RAB38: variants seen among roughly 807,000 people sequenced by gnomAD.
RAB38 encodes ras-related protein Rab-38.
Under a neutral mutation model 18.4 loss-of-function variants are expected in RAB38, and 15 were observed. The ratio of observed to expected loss-of-function variants is 0.82; its 90% CI spans 0.55 to 1.26. RAB38 has a LOEUF of 1.26. RAB38 is among the 50% of genes most tolerant of loss of function. The pLI, the probability that RAB38 is intolerant of heterozygous loss-of-function variation, is 0.00. For synonymous variants in RAB38, 101 were observed against 104.4 expected, an observed-to-expected ratio of 0.97 and a Z score of 0.20; for missense variants, 294 against 267.4, an observed-to-expected ratio of 1.10 and a Z score of -0.69.
the RAB38 span, among the ~76,000 whole-genome samples, chr11:87,909,648 C>T: frequency 6.6e-6 from 1 of 151,968 alleles, no homozygotes; most frequent in African/African-American, 2.4e-5. Context: ...TCTTTTGTGC[C>T]TCCCTACCCC....
At chr11:87,898,705 G>A in the RAB38 span, among the ~76,000 whole-genome samples, 1 of 151,064 alleles carries the variant, frequency 6.6e-6, no homozygotes, top group African/African-American at 2.4e-5. Flanking sequence ...TAATTGAGAT[G>A]GGAATGGGGA....
At chr11:87,954,777 G>T in the RAB38 span, among the ~76,000 whole-genome samples, 1 of 152,032 alleles carries the variant, frequency 6.6e-6, no homozygotes. Context: ...GACACTTTTA[G>T]CTAAAATGTG....
At chr11:88,044,237 C>T in the RAB38 span, among the ~76,000 whole-genome samples, 1 of 152,200 alleles carries the variant, frequency 6.6e-6, no homozygotes, top group Non-Finnish European at 1.5e-5. Flanking sequence ...AGACACCTGC[C>T]TTGGTCCTTC....
the RAB38 span, among the ~76,000 whole-genome samples, chr11:87,934,574 C>T: frequency 6.6e-6 from 1 of 152,046 alleles, no homozygotes; most frequent in Admixed American, 6.6e-5. Flanking sequence ...GCAGTACTCT[C>T]GTGCAATGCT....
At chr11:87,955,414 A>G in the RAB38 span, among the ~76,000 whole-genome samples, 1 of 152,166 alleles carries the variant, frequency 6.6e-6, no homozygotes, top group Non-Finnish European at 1.5e-5. Context: ...CATGCTCACT[A>G]CTAGGGTGAC....
the RAB38 span, among the ~76,000 whole-genome samples, chr11:87,913,955 T>G: frequency 6.6e-6 from 1 of 152,064 alleles, no homozygotes; most frequent in South Asian, 2.1e-4. Flanking sequence ...TTTTTTTTCT[T>G]TAGAGATAAC....
the RAB38 span, among the ~76,000 whole-genome samples, chr11:87,821,016 A>T: frequency 1.3e-5 from 2 of 152,226 alleles, no homozygotes; most frequent in Non-Finnish European, 2.9e-5. Context: ...ACAATCCAAC[A>T]TACATATCAT....
the RAB38 span, among the ~76,000 whole-genome samples, chr11:88,059,187 G>A: frequency 1.4e-4 from 22 of 152,198 alleles, no homozygotes; most frequent in African/African-American, 5.1e-4. Context: ...AAGAACGTGT[G>A]AAAAGTGCTT....
chr11:87,894,884 A>C, the RAB38 span, among the ~76,000 whole-genome samples: 1 of 151,558 alleles, frequency 6.6e-6, no homozygotes, highest in African/African-American at 2.4e-5. Context: ...CTAGAACTAC[A>C]GATATATTGA....
the RAB38 span, among the ~76,000 whole-genome samples, chr11:87,955,952 T>TC: frequency 6.6e-6 from 1 of 151,682 alleles, no homozygotes; most frequent in Non-Finnish European, 1.5e-5. Context: ...ACAAGACATG[T>TC]CAAAAGAGAA....
chr11:88,173,874 A>T, intron 1 of RAB38: 1 of 985,474 alleles, frequency 1.0e-6, no homozygotes, highest in Non-Finnish European at 1.2e-6. Flanking sequence ...TCATGATTAA[A>T]GAGGCACGAA....
At chr11:87,937,856 T>C in the RAB38 span, among the ~76,000 whole-genome samples, 1 of 146,264 alleles carries the variant, frequency 6.8e-6, no homozygotes, top group Admixed American at 7.1e-5. Context: ...ATGTTTGTAA[T>C]TGCTCATTGA....
the RAB38 span, among the ~76,000 whole-genome samples, chr11:87,899,198 G>A: frequency 2.0e-5 from 3 of 151,568 alleles, no homozygotes; most frequent in South Asian, 6.2e-4. Context: ...TTACTGCACC[G>A]GGTGCAAAGA....
At chr11:88,083,585 T>C in the RAB38 span, among the ~76,000 whole-genome samples, 2 of 151,924 alleles carry the variant, frequency 1.3e-5, no homozygotes, top group African/African-American at 4.8e-5. Context: ...TGTGTCCCTT[T>C]CAAAATTCAT....
chr11:88,168,761 C>A (rs1046025504), intron 1 of RAB38, among the ~76,000 whole-genome samples: 1 of 152,154 alleles, frequency 6.6e-6, no homozygotes. Context: ...AAGAAGACCA[C>A]AATAGGAGAG....
chr11:87,868,608 A>AGAGAGAGAGAGAGAGAGG, the RAB38 span, among the ~76,000 whole-genome samples: 25 of 102,980 alleles, frequency 2.4e-4, no homozygotes, highest in Admixed American at 8.4e-4. Context: ...AGAGAGAGAG[A>AGAGAGAGAGAGAGAGAGG]GAGAGAGAGA....
chr11:87,909,867 G>A, the RAB38 span, among the ~76,000 whole-genome samples: 1 of 151,960 alleles, frequency 6.6e-6, no homozygotes, highest in Non-Finnish European at 1.5e-5. Flanking sequence ...AAGTTTCTAT[G>A]AACATTCATT....
the RAB38 span, among the ~76,000 whole-genome samples, chr11:87,845,286 G>C: frequency 6.6e-6 from 1 of 151,972 alleles, no homozygotes. Context: ...AAACTTTAAG[G>C]AAGCTATATT....
At chr11:87,896,777 T>G in the RAB38 span, among the ~76,000 whole-genome samples, 3 of 151,594 alleles carry the variant, frequency 2.0e-5, no homozygotes, top group Non-Finnish European at 3.0e-5. Context: ...CTGGCTGGTC[T>G]TACCTATGAT....
Sources: allele counts gnomAD v4.1 joint callset (sites outside exome capture counted in the v4.1 genomes callset), GRCh38; gene constraint gnomAD v4.1.1; transcripts MANE v1.5; gene names NCBI Gene and HGNC (gene_info 2026-07-23, HGNC 2026-07-21).